HS6ST2: variants seen among roughly 807,000 people sequenced by gnomAD.
The protein encoded by HS6ST2 is heparan sulfate 6-O-sulfotransferase 2, also known as heparan-sulfate 6-O-sulfotransferase 2.
A neutral mutation model predicts 33.0 loss-of-function variants in HS6ST2; 17 were observed. The observed-to-expected ratio is 0.52, with a 90% CI of 0.35 to 0.77. The LOEUF is 0.77. Ranked by LOEUF, HS6ST2 falls within the 30% of genes least tolerant of loss-of-function variation. HS6ST2 has a pLI of 0.01. For synonymous variants in HS6ST2, 248 were observed against 237.1 expected (o/e 1.05, Z -0.42); for missense variants, 519 against 551.7 (o/e 0.94, Z 0.59).
At position 132,919,500 on chromosome X, in the gene HS6ST2, A is replaced by G. The variant is rs192192483; in HGVS notation, c.947+37308T>C. ...ATGTTAATTATTTCTTGAGATTTATAGGAGCTGAAAAACTAAAGAAAATGT... is the reference window on the plus strand; with the variant it reads ...ATGTTAATTATTTCTTGAGATTTATGGGAGCTGAAAAACTAAAGAAAATGT... On this transcript the variant is annotated intron_variant, in intron 2 of 4. Coordinates refer to ENST00000370833, the MANE Select transcript of HS6ST2 (RefSeq NM_001394073.1). Among the ~76,000 whole-genome samples the G allele has an allele frequency of 4.0e-3, 448 of 112,350 alleles. 4 individuals carry two copies. Among genetic ancestry groups the G allele is most frequent in the African/African-American group, 0.014 (420 of 30,972 alleles).
chrX:132,767,102 A>G (rs920201655), intron 2 of HS6ST2, among the ~76,000 whole-genome samples: 2 of 112,359 alleles, frequency 1.8e-5, no homozygotes, highest in Non-Finnish European at 3.8e-5. Flanking sequence ...AGGACAAAGA[A>G]CATAGTCTCC....
intron 2 of HS6ST2, among the ~76,000 whole-genome samples, chrX:132,738,769 C>G (rs1377327594): frequency 8.9e-6 from 1 of 112,128 alleles, no homozygotes; most frequent in African/African-American, 3.2e-5. Flanking sequence ...TCACCCTACT[C>G]TGGACCTTAG....
intron 2 of HS6ST2, among the ~76,000 whole-genome samples, chrX:132,848,587 G>A (rs1024430227): frequency 9.0e-6 from 1 of 111,480 alleles, no homozygotes; most frequent in African/African-American, 3.3e-5. Flanking sequence ...TGGACTCTTG[G>A]GGACTGCAAA....
At chrX:132,819,292 G>A (rs1005850364) in intron 2 of HS6ST2, among the ~76,000 whole-genome samples, 2 of 111,743 alleles carry the variant, frequency 1.8e-5, no homozygotes, top group Non-Finnish European at 3.8e-5. Context: ...TATGGCATTT[G>A]TATATAGCAA....
chrX:132,744,948 G>A (rs2064622397), intron 2 of HS6ST2, among the ~76,000 whole-genome samples: 1 of 111,871 alleles, frequency 8.9e-6, no homozygotes, highest in African/African-American at 3.2e-5. Context: ...GGGTTTTTTT[G>A]TTTGTTTGTT....
chrX:132,888,590 C>T (rs1246031726), intron 2 of HS6ST2, among the ~76,000 whole-genome samples: 1 of 111,640 alleles, frequency 9.0e-6, no homozygotes, highest in African/African-American at 3.3e-5. Context: ...CTGCAACCTC[C>T]GCCTCCTGGG....
chrX:132,708,347 C>A, intron 3 of HS6ST2, 115 bp downstream of exon 3: 4 of 226,017 alleles, frequency 1.8e-5, no homozygotes, highest in Admixed American at 8.3e-5. Flanking sequence ...AAGAATTTGT[C>A]CAAGCCAAAA....
At position 132,655,710 on chromosome X, in the gene HS6ST2, C is replaced by T. The variant is rs889278246; in HGVS notation, c.1067+13403G>A. Among the ~76,000 whole-genome samples, 9 of 110,598 alleles carry T rather than the reference C, an allele frequency of 8.1e-5. 2 individuals are homozygous for T. In the Admixed American group the frequency reaches 8.7e-4, roughly 11 times the overall value. ...GGATGAAGGTTGGGCCTGATGATAA[C>T]ATTATATTGTTGGTGATAAGGTTGA... On this transcript the variant is annotated intron_variant, in intron 4 of 4. Coordinates refer to ENST00000370833, the MANE Select transcript of HS6ST2 (RefSeq NM_001394073.1).
intron 2 of HS6ST2, among the ~76,000 whole-genome samples, chrX:132,905,778 T>C (rs1299317565): frequency 2.7e-5 from 3 of 111,857 alleles, no homozygotes; most frequent in African/African-American, 9.7e-5. Context: ...GAATATTTTG[T>C]CTTAATTTAG....
intron 2 of HS6ST2, among the ~76,000 whole-genome samples, chrX:132,835,243 C>A (rs1340754321): frequency 1.8e-5 from 2 of 111,225 alleles, no homozygotes; most frequent in Non-Finnish European, 3.8e-5. Flanking sequence ...TAAAATGGGG[C>A]CTCCATTGTC....
chrX:132,643,224 A>G (rs937684879), intron 4 of HS6ST2, among the ~76,000 whole-genome samples: 3 of 111,182 alleles, frequency 2.7e-5, no homozygotes, highest in Admixed American at 1.9e-4. Context: ...GGGGCACTTT[A>G]CAAACCTCAT....
chrX:132,725,986 G>T (rs1005136817), intron 2 of HS6ST2, among the ~76,000 whole-genome samples: 3 of 110,207 alleles, frequency 2.7e-5, no homozygotes, highest in African/African-American at 9.9e-5. Flanking sequence ...AAGATAGAAA[G>T]TGGAGGGATA....
intron 3 of HS6ST2, among the ~76,000 whole-genome samples, chrX:132,702,115 T>G (rs1240670911): frequency 8.9e-6 from 1 of 112,295 alleles, no homozygotes; most frequent in African/African-American, 3.2e-5. Context: ...GCATATCCAC[T>G]TTACAAAATT....
At chrX:132,905,337 A>G (rs2066461931) in intron 2 of HS6ST2, among the ~76,000 whole-genome samples, 1 of 112,187 alleles carries the variant, frequency 8.9e-6, no homozygotes, top group Admixed American at 9.5e-5. Context: ...TATATTATCT[A>G]TCTTTAAAGA....
chrX:132,670,098 AT>A (rs746354261), intron 3 of HS6ST2, among the ~76,000 whole-genome samples: 3,038 of 104,240 alleles, frequency 0.029, 96 homozygotes, highest in African/African-American at 0.088. Context: ...CATCAGGAAG[AT>A]TTTTTTTTTT....
intron 2 of HS6ST2, among the ~76,000 whole-genome samples, chrX:132,947,483 C>T (rs1404297352): frequency 9.0e-6 from 1 of 110,546 alleles, no homozygotes; most frequent in Non-Finnish European, 1.9e-5. Flanking sequence ...GAATTGTTAT[C>T]TGAAAAAAAA....
chrX:132,686,745 C>G (rs967531753), intron 3 of HS6ST2, among the ~76,000 whole-genome samples: 1 of 111,485 alleles, frequency 9.0e-6, no homozygotes, highest in Non-Finnish European at 1.9e-5. Context: ...TGGGAAATGG[C>G]AGAGTACAAT....
At chrX:132,909,104 G>A (rs2066506467) in intron 2 of HS6ST2, among the ~76,000 whole-genome samples, 1 of 110,738 alleles carries the variant, frequency 9.0e-6, no homozygotes, top group Admixed American at 9.7e-5. Flanking sequence ...CAGTCACCAG[G>A]CTGTCATTTC....
At chrX:132,778,791 T>C (rs1427563419) in intron 2 of HS6ST2, among the ~76,000 whole-genome samples, 1 of 111,659 alleles carries the variant, frequency 9.0e-6, no homozygotes, top group Non-Finnish European at 1.9e-5. Context: ...TTAAAGGAGT[T>C]GGAATTGGCC....
Sources: gnomAD v4.1 joint callset for allele counts (sites outside exome capture counted in the v4.1 genomes callset) on GRCh38, gnomAD v4.1.1 for gene constraint, MANE v1.5 for transcripts, NCBI Gene and HGNC (gene_info 2026-07-23, HGNC 2026-07-21) for gene names.